DBNL: variants seen among roughly 807,000 people sequenced by gnomAD.
The protein encoded by DBNL is drebrin-like protein.
DBNL carries 35 observed loss-of-function variants against 62.2 expected under a neutral mutation model. The ratio of observed to expected loss-of-function variants is 0.56; its 90% CI spans 0.43 to 0.75. The LOEUF (loss-of-function observed/expected upper bound fraction) is 0.75, where lower values mean the gene tolerates loss of function less well. Ranked by LOEUF, DBNL falls within the 30% of genes least tolerant of loss-of-function variation. The pLI is 0.00. For missense variants in DBNL, 495 were observed against 578.4 expected (o/e 0.86, Z 1.48); for synonymous variants, 197 against 218.0 (o/e 0.90, Z 0.85).
rs773335005 is a variant in DBNL, at chr7:44,064,980, T to A, written c.*4064T>A. 6.2e-7 allele frequency: 1 copy of A among 1,606,252 alleles called. No individual in the cohort carries two copies. Among genetic ancestry groups the A allele is most frequent in the South Asian group, 1.1e-5 (1 of 90,810 alleles). ...CCTTGAGGCTCTCGCAGGTGGGGAG[T>A]TCCCCGGGCTTCAGGCCTGCGTACC... On this transcript the variant is annotated 3_prime_UTR_variant, in exon 13 of 13. Coordinates refer to ENST00000448521, the MANE Select transcript of DBNL (RefSeq NM_001014436.3).
chr7:44,065,685 G>A lies in DBNL; in HGVS notation c.*4769G>A. 1 of 724,006 alleles carries A rather than the reference G, an allele frequency of 1.4e-6. No individual in the cohort carries two copies. 44.8% of individuals were successfully genotyped at this position (724,006 alleles called of 1,614,324 possible). A position where few individuals can be genotyped will look rare whatever the true frequency, so the allele number is the denominator to read the frequency against. On this transcript the variant is annotated 3_prime_UTR_variant, in exon 13 of 13. Coordinates refer to ENST00000448521, the MANE Select transcript of DBNL (RefSeq NM_001014436.3). ...GGTGACCAGTAGCTGAGCTGCTGGGGGCTGGGGGCCAGGGGAGTGTGCAGG... is the reference window on the plus strand; with the variant it reads ...GGTGACCAGTAGCTGAGCTGCTGGGAGCTGGGGGCCAGGGGAGTGTGCAGG...
rs2096155306 is a variant in DBNL, at chr7:44,064,532, C to T, written c.*3616C>T. 2.2e-6 allele frequency: 1 copy of T among 454,976 alleles called. No individual in the cohort carries two copies. The allele number at this position is 454,976 out of a possible 1,614,324, so 28.2% of individuals were successfully genotyped here. On this transcript the variant is annotated 3_prime_UTR_variant, in exon 13 of 13. Transcript: ENST00000448521. Reference sequence around the variant, plus strand: ...GATTTGGAGCCAGATGCTCTAAGCCCAGCCCTTCCGTTTCCTAGCTGGGTG... The same window carrying T: ...GATTTGGAGCCAGATGCTCTAAGCCTAGCCCTTCCGTTTCCTAGCTGGGTG...
In DBNL at chr7:44,064,809, C is replaced by CCCGG; in HGVS notation, c.*3893_*3894insCCGG. 6.4e-7 allele frequency: 1 copy of CCCGG among 1,556,850 alleles called. No homozygotes were observed. The highest frequency in any genetic ancestry group is 2.3e-5 in the East Asian group (1 of 43,678). ...GGGGCTGCTGCCCACCCACCCTGCCCAGGCTCCTGAAGGTGGCCTCACCTT... is the reference window on the plus strand; with the variant it reads ...GGGGCTGCTGCCCACCCACCCTGCCCCCGGAGGCTCCTGAAGGTGGCCTCACCTT... On this transcript the variant is annotated 3_prime_UTR_variant, in exon 13 of 13. Coordinates refer to ENST00000448521, the MANE Select transcript of DBNL (RefSeq NM_001014436.3).
chr7:44,050,135 T>G, intron 1 of DBNL, 90 bp from the exon 2 acceptor site: 4 of 1,435,992 alleles, frequency 2.8e-6, no homozygotes, highest in Non-Finnish European at 3.9e-6. Flanking sequence ...CCCAAGCTCT[T>G]TGGGATGTAG....
chr7:44,055,875 T>A (rs2096135323), intron 4 of DBNL, among the ~76,000 whole-genome samples: 2 of 152,204 alleles, frequency 1.3e-5, no homozygotes, highest in Admixed American at 1.3e-4. Flanking sequence ...GTTTACTTTG[T>A]TGATTGTTTC....
intron 1 of DBNL, among the ~76,000 whole-genome samples, chr7:44,047,135 C>T (rs1421606920): frequency 1.3e-5 from 2 of 152,194 alleles, no homozygotes; most frequent in East Asian, 3.8e-4. Flanking sequence ...GTTTGACTTC[C>T]TTCAGACACA....
At chr7:44,054,056 G>GT (rs1240503056) in intron 4 of DBNL, among the ~76,000 whole-genome samples, 1 of 152,164 alleles carries the variant, frequency 6.6e-6, no homozygotes, top group Non-Finnish European at 1.5e-5. Context: ...GGAATTTTAG[G>GT]TAAGGGATGC....
At chr7:44,058,640 AAAGCCAAAGGCGG>A in intron 8 of DBNL, 160 bp downstream of exon 8, 5 of 1,059,242 alleles carry the variant, frequency 4.7e-6, no homozygotes, top group Non-Finnish European at 6.8e-6. Context: ...AGTAGAGAGG[AAAGCCAAAGGCGG>A]AAGCGTCGGG....
rs780537212 is a variant in DBNL, at chr7:44,059,346, G to T, written c.836-8G>T. 1 of 1,613,806 alleles carries T rather than the reference G, an allele frequency of 6.2e-7. No homozygotes were observed. The highest frequency in any genetic ancestry group is 1.1e-5 in the South Asian group (1 of 91,082). On this transcript the variant is annotated splice_region_variant and splice_polypyrimidine_tract_variant and intron_variant, in intron 9 of 12. Transcript: ENST00000448521. This position sits in a 1 kb window ranked among gnomAD's most constrained non-coding sequence, Gnocchi z 4.1. ...TGAAGTGATGTATATATTTACCCGG[G>T]TTTGCAGGCAAGCTGAGGAGCCCCT...
intron 2 of DBNL, 48 bp downstream of exon 2, chr7:44,050,328 T>TGAC (rs1288008631): frequency 6.2e-7 from 1 of 1,604,702 alleles, no homozygotes; most frequent in Admixed American, 1.7e-5. Flanking sequence ...GGTAGGAGGG[T>TGAC]GACGACGAGG....
At position 44,058,129 on chromosome 7, in the gene DBNL, AAGG is replaced by A. The variant is rs2096140016; in HGVS notation, c.562_564del (p.Glu188del). On this transcript the variant is annotated inframe_deletion and splice_region_variant, in exon 7 of 13. Coordinates refer to ENST00000448521, the MANE Select transcript of DBNL (RefSeq NM_001014436.3). Reference sequence around the variant, plus strand: ...GAGCGGGCAGTGGCTCTCCCTGCAGAAGGAGGAGGAGAACCGTCGGCTGGAGGA... The same window carrying A: ...GAGCGGGCAGTGGCTCTCCCTGCAGAAGGAGGAGAACCGTCGGCTGGAGGA... 3 of 1,554,748 alleles carry A rather than the reference AAGG, an allele frequency of 1.9e-6. No individual in the cohort carries two copies. The highest frequency in any genetic ancestry group is 1.2e-5 in the South Asian group (1 of 84,302).
chr7:44,048,614 G>A (rs1165832460), intron 1 of DBNL, among the ~76,000 whole-genome samples: 4 of 152,234 alleles, frequency 2.6e-5, no homozygotes, highest in African/African-American at 9.6e-5. Context: ...GGGAAGCCAA[G>A]TTGAAGCTGA....
chr7:44,057,485 G>A (rs1441371887), intron 5 of DBNL, among the ~76,000 whole-genome samples: 1 of 152,204 alleles, frequency 6.6e-6, no homozygotes, highest in Non-Finnish European at 1.5e-5. Context: ...TGCAGGTGGG[G>A]TATGGGGGCC....
chr7:44,065,112 C>T lies in DBNL; in HGVS notation c.*4196C>T, dbSNP rs2096156972. On this transcript the variant is annotated 3_prime_UTR_variant, in exon 13 of 13. Transcript: ENST00000448521. ...CAGAGGCCTTCCCAGCAAAGGCAGCCCACCTTGCTAATGGAGTTGTAGTAG... is the reference window on the plus strand; with the variant it reads ...CAGAGGCCTTCCCAGCAAAGGCAGCTCACCTTGCTAATGGAGTTGTAGTAG... 1 of 1,613,690 alleles carries T rather than the reference C, an allele frequency of 6.2e-7. No homozygotes were observed. Among genetic ancestry groups the T allele is most frequent in the Non-Finnish European group, 8.5e-7 (1 of 1,180,028 alleles).
chr7:44,065,483 C>T lies in DBNL; in HGVS notation c.*4567C>T, dbSNP rs748915387. 1 of 1,614,118 alleles carries T rather than the reference C, an allele frequency of 6.2e-7. No individual in the cohort carries two copies. Among genetic ancestry groups the T allele is most frequent in the Non-Finnish European group, 8.5e-7 (1 of 1,180,042 alleles). On this transcript the variant is annotated 3_prime_UTR_variant, in exon 13 of 13. Transcript: ENST00000448521. ...GCCACAGAAACGGTTCTCCTGGTTC[C>T]ATGTGCTCTCGCCGTGCCGGACCAT...
rs939895333 is a variant in DBNL, at chr7:44,067,024, A to G, written c.*6108A>G. The G allele has an allele frequency of 6.6e-6, 1 of 152,520 alleles. No homozygotes were observed. Among genetic ancestry groups the G allele is most frequent in the Non-Finnish European group, 1.5e-5 (1 of 68,208 alleles). The allele number at this position is 152,520 out of a possible 1,614,324, so 9.4% of individuals were successfully genotyped here. On this transcript the variant is annotated 3_prime_UTR_variant, in exon 13 of 13. Transcript: ENST00000448521. ...GGAGGGATCGTACCAGCAGCTAAAC[A>G]TGCCTACCGTAGATAGCACCAGATG...
At chr7:44,047,979 C>T (rs746726307) in intron 1 of DBNL, among the ~76,000 whole-genome samples, 4 of 144,790 alleles carry the variant, frequency 2.8e-5, no homozygotes, top group African/African-American at 5.2e-5. Context: ...TGAAGTGGCA[C>T]GATCTTGGCT....
rs773820014 is a variant in DBNL at position 44,066,677 on chromosome 7, C to G, written c.*5761C>G. 2 of 152,550 alleles carry G rather than the reference C, an allele frequency of 1.3e-5. No homozygotes were observed. The highest frequency in any genetic ancestry group is 2.9e-5 in the Non-Finnish European group (2 of 68,178). 9.4% of individuals were successfully genotyped at this position (152,550 alleles called of 1,614,324 possible). A position where few individuals can be genotyped will look rare whatever the true frequency, so the allele number is the denominator to read the frequency against. ...AACCCTCGACAGGCCTCCCTCCATC[C>G]CTGCTGGCCTACCTGGGGAGGGGCT... On this transcript the variant is annotated 3_prime_UTR_variant, in exon 13 of 13. Transcript: ENST00000448521.
rs1409738183 is a variant in DBNL, at chr7:44,066,355, A to AC, written c.*5440dup. ...TAAATGCTCAGCTTAGCAGGAACCC[A>AC]CAACGTAGGCTGAAGGGTGGCACGG... On this transcript the variant is annotated 3_prime_UTR_variant, in exon 13 of 13. Coordinates refer to ENST00000448521, the MANE Select transcript of DBNL (RefSeq NM_001014436.3). 6.6e-6 allele frequency: 1 copy of AC among 152,670 alleles called. No individual in the cohort carries two copies. The highest frequency in any genetic ancestry group is 6.5e-5 in the Admixed American group (1 of 15,322). The allele number at this position is 152,670 out of a possible 1,614,324, so 9.5% of individuals were successfully genotyped here. A position where few individuals can be genotyped will look rare whatever the true frequency, so the allele number is the denominator to read the frequency against.
Sources: allele counts gnomAD v4.1 joint callset (sites outside exome capture counted in the v4.1 genomes callset), GRCh38; gene constraint gnomAD v4.1.1; non-coding constraint Gnocchi (gnomAD v3.1); transcripts MANE v1.5; gene names NCBI Gene and HGNC (gene_info 2026-07-23, HGNC 2026-07-21).